Variants in PHC2 observed in about 807,000 individuals in gnomAD.
The protein encoded by PHC2 is polyhomeotic-like protein 2.
Under a neutral mutation model 87.4 loss-of-function variants are expected in PHC2, and 29 were observed. That is an observed-to-expected ratio of 0.33 (90% CI 0.25 to 0.45). PHC2 has a LOEUF of 0.45. PHC2 is among the 20% of genes least tolerant of loss of function. The probability of loss-of-function intolerance (pLI) is 1.00; values close to 1 mark genes in which losing one functional copy is unlikely to be tolerated. For synonymous variants in PHC2, 438 were observed against 461.7 expected (o/e 0.95, Z 0.66); for missense variants, 857 against 1,136.7 (o/e 0.75, Z 3.54).
chr1:33,338,690 CAAAG>C (rs1048238193), intron 9 of PHC2, among the ~76,000 whole-genome samples: 10 of 152,210 alleles, frequency 6.6e-5, no homozygotes, highest in African/African-American at 2.4e-4. Flanking sequence ...ATAAAAGAGA[CAAAG>C]AAATACTCTG....
chr1:33,333,675 T>A, intron 10 of PHC2: 1 of 209,704 alleles, frequency 4.8e-6, no homozygotes, highest in Non-Finnish European at 9.5e-6. Flanking sequence ...AGAATTCTGT[T>A]CTGTGCAATT....
chr1:33,410,188 G>A (rs1649926173), intron 1 of PHC2, among the ~76,000 whole-genome samples: 1 of 152,148 alleles, frequency 6.6e-6, no homozygotes, highest in South Asian at 2.1e-4. Flanking sequence ...ATCCCTGTGG[G>A]ATTACTGCAC....
At chr1:33,347,321 T>C in intron 9 of PHC2, 2 of 985,344 alleles carry the variant, frequency 2.0e-6, no homozygotes, top group Non-Finnish European at 2.4e-6. Flanking sequence ...GCAGAAACAA[T>C]GGCTGATGAG....
intron 9 of PHC2, among the ~76,000 whole-genome samples, chr1:33,338,050 C>T (rs1197039660): frequency 6.6e-6 from 1 of 152,196 alleles, no homozygotes. Flanking sequence ...AAAACAGCCC[C>T]CCTCTGACCT....
chr1:33,332,222 T>C lies in PHC2; in HGVS notation c.1891+53A>G. 3.7e-6 allele frequency: 6 copies of C among 1,610,444 alleles called. No individual in the cohort carries two copies. Among genetic ancestry groups the C allele is most frequent in the Middle Eastern group, 1.7e-4 (1 of 6,038 alleles). ...ACAGAGAGAGGAAGTGTGTGAGGCC[T>C]GCCTTTCCAGCCACGCTGGGAGGCC... is the stretch of plus-strand genomic sequence containing the variant. On this transcript the variant is annotated intron_variant, in intron 11 of 14. Transcript: ENST00000683057. This position sits in a 1 kb window ranked among gnomAD's most constrained non-coding sequence, Gnocchi z 4.2.
In PHC2 at chr1:33,343,306, C is replaced by CA. The variant is rs559042047; in HGVS notation, c.1559-9015dup. 3.5e-3 allele frequency among the ~76,000 whole-genome samples: 488 copies of CA among 138,070 alleles called. 1 individual carries two copies. Among genetic ancestry groups the CA allele is most frequent in the East Asian group, 7.9e-3 (34 of 4,330 alleles). The allele number at this position is 138,070 out of a possible 152,430, so 90.6% of individuals were successfully genotyped here. A position where few individuals can be genotyped will look rare whatever the true frequency, so the allele number is the denominator to read the frequency against. ...TGAAACCCTGTCTCTAGTAAAAATA[C>CA]AAAAAAAAAAATAAATAACTGGGTG... On this transcript the variant is annotated intron_variant, in intron 9 of 14. Coordinates refer to ENST00000683057, the MANE Select transcript of PHC2 (RefSeq NM_001385109.1).
Position 33,377,899 on chromosome 1 carries a change from C to T in PHC2, c.-54-2306G>A, listed in dbSNP as rs1648266500. ...TCTAAAAGACAGGAATGTTGGGAGT[C>T]TGGAAACCCAAGCCACTCCCAGGTG... On this transcript the variant is annotated intron_variant, in intron 1 of 14. Coordinates refer to ENST00000683057, the MANE Select transcript of PHC2 (RefSeq NM_001385109.1). Among the ~76,000 whole-genome samples the T allele has an allele frequency of 5.9e-5, 9 of 152,170 alleles. 1 individual carries two copies. The South Asian group carries it at 1.9e-3, about 32-fold the overall frequency.
intron 1 of PHC2, among the ~76,000 whole-genome samples, chr1:33,420,429 G>A (rs1345156686): frequency 6.6e-6 from 1 of 152,042 alleles, no homozygotes; most frequent in Non-Finnish European, 1.5e-5. Flanking sequence ...ACTTGGTGAT[G>A]GCAGTTATAA....
At chr1:33,326,169 A>C (rs1646366520) in intron 14 of PHC2, 2 of 218,400 alleles carry the variant, frequency 9.2e-6, no homozygotes, top group South Asian at 1.1e-4. Context: ...GTAAAATAGG[A>C]GAGAGAGAAG....
At position 33,382,793 on chromosome 1, in the gene PHC2, C is replaced by T. The variant is rs771118193; in HGVS notation, c.-54-7200G>A. 1.2e-4 allele frequency among the ~76,000 whole-genome samples: 18 copies of T among 152,190 alleles called. No homozygotes were observed. Among genetic ancestry groups the T allele is most frequent in the Non-Finnish European group, 1.0e-4 (7 of 68,028 alleles). ...GCCCTCCCAGGAGCCGCCAAGTCTA[C>T]GAAACACTAGGCCTTTGTCCCCAGT... On this transcript the variant is annotated intron_variant, in intron 1 of 14. Coordinates refer to ENST00000683057, the MANE Select transcript of PHC2 (RefSeq NM_001385109.1). The surrounding 1 kb of genome is among the most constrained non-coding windows in gnomAD (Gnocchi z 4.3).
chr1:33,430,176 C>G (rs968348692), intron 1 of PHC2, among the ~76,000 whole-genome samples: 13 of 152,180 alleles, frequency 8.5e-5, no homozygotes, highest in African/African-American at 3.1e-4. Flanking sequence ...TTGTTAGACA[C>G]TCACGTAGAA....
At chr1:33,345,680 A>G (rs964612653) in intron 9 of PHC2, 16 of 984,874 alleles carry the variant, frequency 1.6e-5, no homozygotes, top group Non-Finnish European at 1.8e-5. Context: ...CCATTTCTTG[A>G]CCATGTCATT....
In PHC2 at chr1:33,429,218, G is replaced by A. The variant is rs182327808; in HGVS notation, c.-55+1758C>T. On this transcript the variant is annotated intron_variant, in intron 1 of 14. Transcript: ENST00000683057. ...TGGACCCTTACTTGGGAAGATATGG[G>A]TGACAAAGACCAGGAATGAGGCTCA... 5.9e-5 allele frequency among the ~76,000 whole-genome samples: 9 copies of A among 152,260 alleles called. No individual in the cohort carries two copies. In the East Asian group the frequency reaches 1.7e-3, roughly 29 times the overall value.
chr1:33,343,520 T>C (rs1403217069), intron 9 of PHC2, among the ~76,000 whole-genome samples: 1 of 147,690 alleles, frequency 6.8e-6, no homozygotes, highest in Non-Finnish European at 1.5e-5. Context: ...TATCCTGTAA[T>C]GCTGGACAAG....
intron 7 of PHC2, among the ~76,000 whole-genome samples, chr1:33,358,086 C>T (rs1192650022): frequency 6.6e-6 from 1 of 152,174 alleles, no homozygotes; most frequent in African/African-American, 2.4e-5. Context: ...ATCTCTTCCA[C>T]ATCTAGAATT....
chr1:33,416,892 C>A (rs939351432), intron 1 of PHC2, among the ~76,000 whole-genome samples: 1 of 151,978 alleles, frequency 6.6e-6, no homozygotes, highest in Non-Finnish European at 1.5e-5. Flanking sequence ...ATAAAGGTCA[C>A]GTTTCCTCAT....
intron 7 of PHC2, 117 bp from the exon 8 acceptor site, chr1:33,355,370 G>C (rs1034752749): frequency 3.4e-6 from 3 of 876,754 alleles, no homozygotes; most frequent in African/African-American, 1.7e-5. Context: ...AATGTCTCTT[G>C]TTTTCATCTC....
In PHC2 at chr1:33,416,413, A is replaced by C. The variant is rs530495033; in HGVS notation, c.-55+14563T>G. ...AAACCCCGTCTCTACTAAAAATACA[A>C]AAAAAAAAAAAAATTAGCCAGGCAT... On this transcript the variant is annotated intron_variant, in intron 1 of 14. Coordinates refer to ENST00000683057, the MANE Select transcript of PHC2 (RefSeq NM_001385109.1). Among the ~76,000 whole-genome samples the C allele has an allele frequency of 1.1e-4, 13 of 117,498 alleles. No individual in the cohort carries two copies. In the South Asian group the frequency reaches 2.9e-3, roughly 27 times the overall value. 77.1% of individuals were successfully genotyped at this position (117,498 alleles called of 152,430 possible). A position where few individuals can be genotyped will look rare whatever the true frequency, so the allele number is the denominator to read the frequency against.
At chr1:33,346,373 T>C in intron 9 of PHC2, 4 of 985,424 alleles carry the variant, frequency 4.1e-6, no homozygotes, top group South Asian at 9.4e-5. Context: ...CATCTTTCAG[T>C]AGCAAAATGG....
Sources: allele counts gnomAD v4.1 joint callset (sites outside exome capture counted in the v4.1 genomes callset), GRCh38; gene constraint gnomAD v4.1.1; non-coding constraint Gnocchi (gnomAD v3.1); transcripts MANE v1.5; gene names NCBI Gene and HGNC (gene_info 2026-07-23, HGNC 2026-07-21).